CYRIB: variants seen among roughly 807,000 people sequenced by gnomAD.
CYRIB encodes the protein CYFIP-related Rac1 interactor B.
In CYRIB, 8 loss-of-function variants were observed where a neutral mutation model predicts 44.2. The ratio of observed to expected loss-of-function variants is 0.18; its 90% CI spans 0.11 to 0.33. The LOEUF (loss-of-function observed/expected upper bound fraction) is 0.33, where lower values mean the gene tolerates loss of function less well. Ranked by LOEUF, CYRIB falls within the 10% of genes least tolerant of loss-of-function variation. The pLI is 1.00. For synonymous variants in CYRIB, 131 were observed against 127.2 expected (o/e 1.03, Z -0.20); for missense variants, 185 against 382.8 (o/e 0.48, Z 4.31).
intron 2 of CYRIB, among the ~76,000 whole-genome samples, chr8:129,964,620 A>G (rs2095402659): frequency 6.6e-6 from 1 of 152,208 alleles, no homozygotes; most frequent in Admixed American, 6.5e-5. Flanking sequence ...ACAGTGGCTC[A>G]CACCTGTAAT....
rs528672830 is a variant in CYRIB at position 129,903,962 on chromosome 8, A to G, written c.-49-612T>C. 1.2e-4 allele frequency among the ~76,000 whole-genome samples: 19 copies of G among 152,304 alleles called. No homozygotes were observed. In the East Asian group the frequency reaches 3.7e-3, roughly 29 times the overall value. On this transcript the variant is annotated intron_variant, in intron 1 of 11. Transcript: ENST00000519824. ...GAAAGAGGGTCTCGCTATTTTGCTC[A>G]GGCTGGTCTCCAATTCCTGGTGCTC...
At chr8:129,917,251 A>C (rs2081212806) in intron 1 of CYRIB, among the ~76,000 whole-genome samples, 1 of 152,210 alleles carries the variant, frequency 6.6e-6, no homozygotes, top group Non-Finnish European at 1.5e-5. Flanking sequence ...AACACCAGTC[A>C]TCATTCTTAC....
At chr8:129,864,300 T>C (rs1341538548) in intron 4 of CYRIB, among the ~76,000 whole-genome samples, 1 of 152,242 alleles carries the variant, frequency 6.6e-6, no homozygotes, top group Non-Finnish European at 1.5e-5. Context: ...TCTATAGTAA[T>C]GAGAACATCT....
chr8:129,915,564 G>A (rs2080296988), intron 1 of CYRIB, among the ~76,000 whole-genome samples: 3 of 152,126 alleles, frequency 2.0e-5, no homozygotes, highest in African/African-American at 7.2e-5. Flanking sequence ...GGGCAGGTAG[G>A]GTGGATAGAT....
At position 129,934,248 on chromosome 8, in the gene CYRIB, C is replaced by T. The variant is rs528358720; in HGVS notation, c.-50+5360G>A. On this transcript the variant is annotated intron_variant, in intron 1 of 11. Transcript: ENST00000519824. ...GAATGCCTAACTCATGGAGGCCTCA[C>T]GAGTCTCCAGCCTGATGTTCCTATT... Among the ~76,000 whole-genome samples, 13 of 152,234 alleles carry T rather than the reference C, an allele frequency of 8.5e-5. No individual in the cohort carries two copies. In the South Asian group the frequency reaches 1.7e-3, roughly 19 times the overall value.
chr8:129,932,697 G>A (rs1374445990), intron 1 of CYRIB, among the ~76,000 whole-genome samples: 2 of 152,148 alleles, frequency 1.3e-5, no homozygotes, highest in African/African-American at 4.8e-5. Context: ...TAAAATCTCA[G>A]ACCATCATGG....
chr8:130,009,079 T>C (rs2134331904), intron 1 of CYRIB, among the ~76,000 whole-genome samples: 1 of 152,154 alleles, frequency 6.6e-6, no homozygotes, highest in East Asian at 1.9e-4. Flanking sequence ...AAACAGACAC[T>C]GAGATGCCAA....
At chr8:129,883,808 C>G (rs891272239) in intron 2 of CYRIB, among the ~76,000 whole-genome samples, 1 of 152,156 alleles carries the variant, frequency 6.6e-6, no homozygotes, top group Admixed American at 6.5e-5. Context: ...GTAAAAGGTG[C>G]ATATTAATAA....
At chr8:129,901,828 A>G (rs1327901924) in intron 2 of CYRIB, 1 of 152,238 alleles carries the variant, frequency 6.6e-6, no homozygotes, top group Non-Finnish European at 1.5e-5. Flanking sequence ...TATGATATAT[A>G]GTATATTTAC....
At chr8:130,002,518 A>G (rs2096930470) in intron 1 of CYRIB, among the ~76,000 whole-genome samples, 1 of 152,162 alleles carries the variant, frequency 6.6e-6, no homozygotes, top group Non-Finnish European at 1.5e-5. Context: ...TTCTTACAAT[A>G]AAAGTAACAT....
At chr8:129,855,965 C>T (rs554434179) in intron 5 of CYRIB, among the ~76,000 whole-genome samples, 6 of 152,266 alleles carry the variant, frequency 3.9e-5, no homozygotes, top group Non-Finnish European at 7.4e-5. Flanking sequence ...AAACCTTAAA[C>T]GGACTAATTC....
At chr8:129,977,532 C>T (rs1445029401) in intron 1 of CYRIB, among the ~76,000 whole-genome samples, 1 of 151,312 alleles carries the variant, frequency 6.6e-6, no homozygotes, top group Non-Finnish European at 1.5e-5. Context: ...AATATTTGTC[C>T]TCACTCTTTT....
intron 1 of CYRIB, among the ~76,000 whole-genome samples, chr8:129,916,951 C>A (rs1212572760): frequency 6.6e-6 from 1 of 152,212 alleles, no homozygotes; most frequent in Non-Finnish European, 1.5e-5. Context: ...CTCAGGATCA[C>A]ACAGCTAGTA....
chr8:129,847,531 AG>A (rs2040781828), intron 10 of CYRIB, among the ~76,000 whole-genome samples: 1 of 152,218 alleles, frequency 6.6e-6, no homozygotes, highest in Non-Finnish European at 1.5e-5. Flanking sequence ...AAGAACTTTC[AG>A]GTAGAGAAAC....
intron 2 of CYRIB, chr8:129,880,364 A>G (rs1299858577): frequency 1.0e-6 from 1 of 985,224 alleles, no homozygotes; most frequent in Admixed American, 6.1e-5. Context: ...GTGAAGGGCT[A>G]AAGAGACTTA....
chr8:129,842,212 A>G lies in CYRIB; in HGVS notation c.912-7T>C. ...CAAATGTTTTGTTGTGTACCTAAAAAAAGAAAAGAAAAAAGATCAATTTTA... is the reference window on the plus strand; with the variant it reads ...CAAATGTTTTGTTGTGTACCTAAAAGAAGAAAAGAAAAAAGATCAATTTTA... On this transcript the variant is annotated splice_region_variant and splice_polypyrimidine_tract_variant and intron_variant, in intron 11 of 11. Coordinates refer to ENST00000519824, the Ensembl canonical transcript of CYRIB. The G allele has an allele frequency of 6.3e-7, 1 of 1,597,924 alleles. No homozygotes were observed. Among genetic ancestry groups the G allele is most frequent in the Admixed American group, 1.7e-5 (1 of 59,414 alleles).
At chr8:129,850,944 T>C (rs373160912) in intron 8 of CYRIB, 30 bp from the exon 11 acceptor site, 123 of 1,400,036 alleles carry the variant, frequency 8.8e-5, no homozygotes, top group Non-Finnish European at 1.2e-4. Flanking sequence ...ACAAAAAAAG[T>C]AAAAGTAACA....
At chr8:129,978,389 T>C (rs1173539097) in intron 1 of CYRIB, among the ~76,000 whole-genome samples, 1 of 152,236 alleles carries the variant, frequency 6.6e-6, no homozygotes, top group African/African-American at 2.4e-5. Flanking sequence ...CAATTTGTCT[T>C]GGTTGATTTG....
intron 11 of CYRIB, among the ~76,000 whole-genome samples, chr8:129,846,188 A>T (rs548434339): frequency 1.3e-5 from 2 of 152,342 alleles, no homozygotes; most frequent in African/African-American, 4.8e-5. Context: ...AAATTAAGTA[A>T]AACTAATCTA....
Sources: allele counts gnomAD v4.1 joint callset (sites outside exome capture counted in the v4.1 genomes callset), GRCh38; gene constraint gnomAD v4.1.1; transcripts MANE v1.5; gene names NCBI Gene and HGNC (gene_info 2026-07-23, HGNC 2026-07-21).